Variants in DHX57 observed in about 807,000 individuals in gnomAD.
The protein encoded by DHX57 is DExH-box helicase 57.
In DHX57, 105 loss-of-function variants were observed where a neutral mutation model predicts 156.2. The observed-to-expected ratio is 0.67, with a 90% CI of 0.57 to 0.79. The LOEUF (loss-of-function observed/expected upper bound fraction) is 0.79, where lower values mean the gene tolerates loss of function less well. Among genes scored for constraint, DHX57 ranks in the 30% least tolerant of loss-of-function variants. The probability of loss-of-function intolerance (pLI) is 0.00; values close to 1 mark genes in which losing one functional copy is unlikely to be tolerated. For missense variants in DHX57, 1,847 were observed against 1,661.9 expected (o/e 1.11, Z -1.94); for synonymous variants, 704 against 595.6 (o/e 1.18, Z -2.65).
chr2:38,812,166 C>T (rs139416516), intron 21 of DHX57, among the ~76,000 whole-genome samples: 158 of 152,242 alleles, frequency 1.0e-3, no homozygotes, highest in East Asian at 3.3e-3. Flanking sequence ...CTTCCACCAA[C>T]GGTAAGACCT....
At chr2:38,837,810 C>T in intron 13 of DHX57, 21 bp downstream of exon 13, 1 of 1,425,134 alleles carries the variant, frequency 7.0e-7, no homozygotes, top group African/African-American at 1.4e-5. Context: ...GTCATTCAAG[C>T]CTTAATAAAG....
chr2:38,809,722 C>T (rs1171395860), intron 21 of DHX57, among the ~76,000 whole-genome samples: 1 of 152,098 alleles, frequency 6.6e-6, no homozygotes, highest in Non-Finnish European at 1.5e-5. Flanking sequence ...CTCGGCCTCC[C>T]AAAGTGCTGG....
intron 5 of DHX57, among the ~76,000 whole-genome samples, chr2:38,859,754 T>C (rs1162906671): frequency 6.6e-6 from 1 of 151,328 alleles, no homozygotes; most frequent in Non-Finnish European, 1.5e-5. Context: ...AGGACTCTCA[T>C]GAAATAATAC....
intron 14 of DHX57, among the ~76,000 whole-genome samples, chr2:38,826,932 A>G (rs987637890): frequency 2.6e-5 from 4 of 152,090 alleles, no homozygotes; most frequent in African/African-American, 9.7e-5. Flanking sequence ...GGAGTTTGAG[A>G]TCAGCCTAGC....
intron 16 of DHX57, among the ~76,000 whole-genome samples, chr2:38,824,634 T>G (rs1670999414): frequency 6.6e-6 from 1 of 152,112 alleles, no homozygotes; most frequent in Non-Finnish European, 1.5e-5. Context: ...GAAGTTGCAG[T>G]CATTATTTAT....
chr2:38,857,239 G>A (rs1263166616), intron 6 of DHX57: 2 of 152,984 alleles, frequency 1.3e-5, no homozygotes, highest in Non-Finnish European at 2.9e-5. Flanking sequence ...TACCATATCA[G>A]ACAGCGTAGC....
chr2:38,856,503 CTTT>C (rs372510406), intron 6 of DHX57, 42 bp from the exon 7 acceptor site: 13,374 of 1,332,974 alleles, frequency 0.01, no homozygotes, highest in East Asian at 0.025. Context: ...GTTACTTTTT[CTTT>C]TTTTTTTTTT....
chr2:38,819,864 TG>T (rs760542672), intron 17 of DHX57, among the ~76,000 whole-genome samples: 2 of 152,248 alleles, frequency 1.3e-5, no homozygotes, highest in Non-Finnish European at 2.9e-5. Context: ...AAATCTACAC[TG>T]GGAAGAATCC....
At chr2:38,849,286 A>C (rs1425773621) in intron 9 of DHX57, among the ~76,000 whole-genome samples, 3 of 152,232 alleles carry the variant, frequency 2.0e-5, no homozygotes, top group East Asian at 3.9e-4. Flanking sequence ...ACATATTTTT[A>C]GTAGGAAAAA....
At chr2:38,835,684 T>TA (rs776972557) in intron 13 of DHX57, among the ~76,000 whole-genome samples, 11 of 152,138 alleles carry the variant, frequency 7.2e-5, no homozygotes, top group Non-Finnish European at 1.5e-4. Context: ...AGAATTCTGA[T>TA]AGAGAGAACA....
chr2:38,819,694 A>C (rs1670718749), intron 17 of DHX57, among the ~76,000 whole-genome samples: 1 of 152,338 alleles, frequency 6.6e-6, no homozygotes, highest in Middle Eastern at 3.4e-3. Flanking sequence ...AAGTGGCAAG[A>C]GTCATCAAAG....
intron 17 of DHX57, among the ~76,000 whole-genome samples, chr2:38,820,346 T>C (rs1214780582): frequency 2.6e-5 from 4 of 151,516 alleles, no homozygotes; most frequent in Non-Finnish European, 5.9e-5. Flanking sequence ...TTTCTTCAGA[T>C]CACTAAACGA....
At chr2:38,817,021 C>T (rs1486179619) in intron 19 of DHX57, among the ~76,000 whole-genome samples, 1 of 152,192 alleles carries the variant, frequency 6.6e-6, no homozygotes, top group African/African-American at 2.4e-5. Context: ...AACACAGCCC[C>T]CCACCCACTT....
At chr2:38,807,775 G>A (rs1303958965) in intron 21 of DHX57, among the ~76,000 whole-genome samples, 1 of 151,698 alleles carries the variant, frequency 6.6e-6, no homozygotes, top group Non-Finnish European at 1.5e-5. Flanking sequence ...AGCATCCCAA[G>A]TAGCTGGGAT....
chr2:38,870,219 G>C (rs1015384958), intron 1 of DHX57, among the ~76,000 whole-genome samples: 1 of 152,002 alleles, frequency 6.6e-6, no homozygotes, highest in African/African-American at 2.4e-5. Context: ...AAAAATGTGG[G>C]ACACCATCAA....
chr2:38,809,244 C>G (rs1169370016), intron 21 of DHX57, among the ~76,000 whole-genome samples: 1 of 152,066 alleles, frequency 6.6e-6, no homozygotes, highest in South Asian at 2.1e-4. Context: ...CTCAGCCTCC[C>G]GAGTAGCTGG....
intron 3 of DHX57, chr2:38,863,137 G>A: frequency 2.1e-6 from 1 of 479,432 alleles, no homozygotes; most frequent in Non-Finnish European, 3.6e-6. Flanking sequence ...CACTGCCCTG[G>A]AAAAAAATAA....
At chr2:38,857,929 A>G (rs1444940687) in intron 6 of DHX57, among the ~76,000 whole-genome samples, 1 of 152,108 alleles carries the variant, frequency 6.6e-6, no homozygotes, top group Admixed American at 6.6e-5. Context: ...GTTTTTAGAG[A>G]CAGGGACTCA....
chr2:38,819,245 GC>G (rs1258868983), intron 17 of DHX57, 101 bp from the exon 18 acceptor site: 1 of 1,033,640 alleles, frequency 9.7e-7, no homozygotes, highest in Non-Finnish European at 1.5e-6. Flanking sequence ...TGCGATCATA[GC>G]CCACTGCAAC....
Sources: allele counts gnomAD v4.1 joint callset (sites outside exome capture counted in the v4.1 genomes callset), GRCh38; gene constraint gnomAD v4.1.1; transcripts MANE v1.5; gene names NCBI Gene and HGNC (gene_info 2026-07-23, HGNC 2026-07-21).